Variants in DLG2 observed in about 807,000 individuals in gnomAD.
The protein encoded by DLG2 is discs large MAGUK scaffold protein 2.
Under a neutral mutation model 132.5 loss-of-function variants are expected in DLG2, and 45 were observed. The ratio of observed to expected loss-of-function variants is 0.34; its 90% confidence interval spans 0.27 to 0.44. The LOEUF (loss-of-function observed/expected upper bound fraction) is 0.44. Among genes scored for constraint, DLG2 ranks in the 20% least tolerant of loss-of-function variants. DLG2 has a pLI of 1.00. For missense variants in DLG2, 1,045 were observed against 1,196.9 expected, an observed-to-expected ratio of 0.87 and a Z score of 1.87; for synonymous variants, 424 against 419.6, an observed-to-expected ratio of 1.01 and a Z score of -0.13.
intron 7 of DLG2, among the ~76,000 whole-genome samples, chr11:84,404,718 G>T (rs1163738127): frequency 6.6e-6 from 1 of 152,030 alleles, no homozygotes; most frequent in East Asian, 1.9e-4. Context: ...AACTCAACCA[G>T]CTATAATTAA....
At position 85,259,343 on chromosome 11, in the gene DLG2, G is replaced by C. The variant is rs1345018034; in HGVS notation, c.186+25877C>G. 2.0e-5 allele frequency among the ~76,000 whole-genome samples: 3 copies of C among 151,996 alleles called. 1 individual carries two copies. Among genetic ancestry groups the C allele is most frequent in the Admixed American group, 2.0e-4 (3 of 15,240 alleles). On this transcript the variant is annotated intron_variant, in intron 4 of 27. Coordinates refer to ENST00000376104, the MANE Select transcript of DLG2 (RefSeq NM_001142699.3). ...TCCACCATGATTGTAAGTTTCCTGA[G>C]GCCTCCCGAGAAGCAGAAGCCTGTA...
At chr11:84,168,966 A>G (rs2154267494) in intron 8 of DLG2, among the ~76,000 whole-genome samples, 1 of 152,220 alleles carries the variant, frequency 6.6e-6, no homozygotes, top group East Asian at 1.9e-4. Flanking sequence ...TGCTCTTTAC[A>G]CTTGACCTTA....
intron 16 of DLG2, among the ~76,000 whole-genome samples, chr11:83,848,354 A>G (rs2154026404): frequency 6.6e-6 from 1 of 152,244 alleles, no homozygotes; most frequent in South Asian, 2.1e-4. Context: ...AGGTGGTCTT[A>G]TCCTTTGCTA....
chr11:84,203,759 C>T (rs1398692657), intron 8 of DLG2, among the ~76,000 whole-genome samples: 2 of 151,770 alleles, frequency 1.3e-5, no homozygotes, highest in East Asian at 3.9e-4. Context: ...GGGAAAAACA[C>T]AAAATGGGGC....
chr11:84,102,722 G>A (rs944036455), intron 9 of DLG2, among the ~76,000 whole-genome samples: 1 of 152,130 alleles, frequency 6.6e-6, no homozygotes, highest in Non-Finnish European at 1.5e-5. Flanking sequence ...GATATAGGAA[G>A]TCTGCTCTTG....
chr11:84,682,675 G>C (rs367890957), intron 6 of DLG2, among the ~76,000 whole-genome samples: 20 of 152,284 alleles, frequency 1.3e-4, no homozygotes, highest in African/African-American at 4.6e-4. Context: ...CCCATGACTA[G>C]GGCCTTGAGA....
intron 3 of DLG2, among the ~76,000 whole-genome samples, chr11:85,477,887 A>C (rs1395930700): frequency 2.6e-5 from 4 of 152,154 alleles, no homozygotes; most frequent in African/African-American, 9.7e-5. Flanking sequence ...TTTCAAAAAT[A>C]TTTCTTATTC....
At chr11:85,007,795 C>T (rs1193225617) in intron 6 of DLG2, among the ~76,000 whole-genome samples, 1 of 151,886 alleles carries the variant, frequency 6.6e-6, no homozygotes, top group African/African-American at 2.4e-5. Context: ...GTTTTCTCAT[C>T]TGCAATATAA....
chr11:83,494,422 A>C (rs1344361084), intron 21 of DLG2, among the ~76,000 whole-genome samples: 2 of 150,980 alleles, frequency 1.3e-5, no homozygotes, highest in Non-Finnish European at 2.9e-5. Flanking sequence ...TCTATTCTCA[A>C]ATTACTCCTC....
chr11:83,563,006 G>A (rs182085374), intron 19 of DLG2, among the ~76,000 whole-genome samples: 3 of 119,092 alleles, frequency 2.5e-5, no homozygotes, highest in Admixed American at 1.1e-4. Flanking sequence ...ACAGAGTCTC[G>A]CTCAGTTGCC....
At chr11:84,669,526 C>T (rs982828350) in intron 6 of DLG2, among the ~76,000 whole-genome samples, 1 of 152,108 alleles carries the variant, frequency 6.6e-6, no homozygotes, top group Non-Finnish European at 1.5e-5. Flanking sequence ...TTCATAAACT[C>T]CTTCACTTCT....
chr11:85,028,189 T>C (rs1324207364), intron 6 of DLG2, among the ~76,000 whole-genome samples: 1 of 152,156 alleles, frequency 6.6e-6, no homozygotes, highest in East Asian at 1.9e-4. Flanking sequence ...AGCAACCGAA[T>C]TGGGTAGTTC....
At chr11:85,418,311 T>C (rs1433888495) in intron 3 of DLG2, among the ~76,000 whole-genome samples, 1 of 152,176 alleles carries the variant, frequency 6.6e-6, no homozygotes. Context: ...TGAGAGACTG[T>C]TTATTATGAT....
intron 15 of DLG2, among the ~76,000 whole-genome samples, chr11:83,898,126 T>C (rs1370581997): frequency 6.6e-6 from 1 of 152,140 alleles, no homozygotes; most frequent in Non-Finnish European, 1.5e-5. Flanking sequence ...AAAAGTATCC[T>C]TTAGGAACTA....
chr11:83,962,144 A>T (rs559156488), intron 14 of DLG2, among the ~76,000 whole-genome samples: 1 of 152,078 alleles, frequency 6.6e-6, no homozygotes, highest in Non-Finnish European at 1.5e-5. Context: ...TTCTTTACAC[A>T]CAAACACATA....
intron 7 of DLG2, among the ~76,000 whole-genome samples, chr11:84,332,515 T>G (rs1041382757): frequency 7.0e-6 from 1 of 143,634 alleles, no homozygotes; most frequent in Admixed American, 6.9e-5. Flanking sequence ...TGGCTTTTTT[T>G]TTTTTTTTTT....
chr11:84,287,189 A>ATAT (rs2097918191), intron 7 of DLG2, among the ~76,000 whole-genome samples: 1 of 152,186 alleles, frequency 6.6e-6, no homozygotes, highest in Non-Finnish European at 1.5e-5. Context: ...TTGGTGTTTT[A>ATAT]GTAAGCTCTG....
chr11:85,007,147 G>C (rs927256735), intron 6 of DLG2, among the ~76,000 whole-genome samples: 1 of 152,096 alleles, frequency 6.6e-6, no homozygotes, highest in African/African-American at 2.4e-5. Context: ...ATTTTCCTAA[G>C]TACAAATTCC....
At chr11:85,383,269 G>C (rs563630616) in intron 3 of DLG2, among the ~76,000 whole-genome samples, 1 of 152,032 alleles carries the variant, frequency 6.6e-6, no homozygotes, top group Non-Finnish European at 1.5e-5. Flanking sequence ...ATCCAGAAAA[G>C]GCACATGTAC....
Sources: allele counts gnomAD v4.1 joint callset (sites outside exome capture counted in the v4.1 genomes callset), GRCh38; gene constraint gnomAD v4.1.1; transcripts MANE v1.5; gene names NCBI Gene and HGNC (gene_info 2026-07-23, HGNC 2026-07-21).